CMBL: variants seen among roughly 807,000 people sequenced by gnomAD.
CMBL encodes carboxymethylenebutenolidase homolog (Pseudomonas).
In CMBL, 17 loss-of-function variants were observed where a neutral mutation model predicts 28.7. The observed-to-expected ratio is 0.59, with a 90% CI of 0.41 to 0.89. The LOEUF (loss-of-function observed/expected upper bound fraction) is 0.89, where lower values mean the gene tolerates loss of function less well. Among genes scored for constraint, CMBL ranks in the 40% least tolerant of loss-of-function variants. CMBL has a pLI of 0.00. For synonymous variants in CMBL, 106 were observed against 101.6 expected, an observed-to-expected ratio of 1.04 and a Z score of -0.26; for missense variants, 310 against 298.5, an observed-to-expected ratio of 1.04 and a Z score of -0.28.
intron 5 of CMBL, among the ~76,000 whole-genome samples, chr5:10,281,790 G>T (rs1265959360): frequency 6.6e-6 from 1 of 152,166 alleles, no homozygotes; most frequent in Non-Finnish European, 1.5e-5. Flanking sequence ...AAATGTTAAT[G>T]TTGGAAATAT....
intron 1 of CMBL, among the ~76,000 whole-genome samples, chr5:10,298,440 T>C (rs181308550): frequency 6.6e-6 from 1 of 152,126 alleles, no homozygotes; most frequent in East Asian, 1.9e-4. Context: ...GAATACTAAG[T>C]GGATATTTGA....
intron 1 of CMBL, among the ~76,000 whole-genome samples, chr5:10,292,627 A>G (rs1015548584): frequency 2.6e-5 from 4 of 152,136 alleles, no homozygotes; most frequent in South Asian, 2.1e-4. Context: ...GCTCAAGACC[A>G]GCCTGGCCAA....
chr5:10,305,949 C>T (rs1374277612), intron 1 of CMBL, among the ~76,000 whole-genome samples: 3 of 152,154 alleles, frequency 2.0e-5, no homozygotes, highest in East Asian at 1.9e-4. Context: ...TCCTTTACTC[C>T]GTATACATTT....
chr5:10,297,324 C>T (rs1036990691), intron 1 of CMBL, among the ~76,000 whole-genome samples: 3 of 152,078 alleles, frequency 2.0e-5, no homozygotes, highest in African/African-American at 7.2e-5. Context: ...AATCCCAGCA[C>T]TTTGGGAGAC....
intron 5 of CMBL, among the ~76,000 whole-genome samples, chr5:10,281,500 G>A (rs561454271): frequency 6.6e-6 from 1 of 152,030 alleles, no homozygotes; most frequent in Non-Finnish European, 1.5e-5. Context: ...TTACAGGCAT[G>A]AGCCACCACG....
intron 3 of CMBL, among the ~76,000 whole-genome samples, chr5:10,287,644 G>A (rs1033533311): frequency 1.5e-4 from 23 of 152,170 alleles, no homozygotes; most frequent in Admixed American, 8.5e-4. Context: ...TGCTATCCCC[G>A]CTGGGTGCAG....
Position 10,290,704 on chromosome 5 carries a change from C to G in CMBL, c.59G>C (p.Gly20Ala). ...CTCGACTTGAACTTCACGGCCTAGCCCTCCATACTCAAGTCTGTGGCCAAT... is the reference window on the plus strand; with the variant it reads ...CTCGACTTGAACTTCACGGCCTAGCGCTCCATACTCAAGTCTGTGGCCAAT... ...CDIGHRLEYG[G>A]LGREVQVEHI... is the part of the protein sequence containing the mutation. The change falls in exon 2 of 6, where the codon GGG becomes GCG. Residue 20 changes from glycine (G) to alanine (A), a missense_variant. Physicochemically the swap from Gly to Ala is moderately conservative, Grantham distance 60. Coordinates refer to ENST00000296658, the MANE Select transcript of CMBL (RefSeq NM_138809.4). The G allele has an allele frequency of 6.2e-7, 1 of 1,614,140 alleles. No homozygotes were observed. Among genetic ancestry groups the G allele is most frequent in the Non-Finnish European group, 8.5e-7 (1 of 1,180,036 alleles).
rs1405247774 is a variant in CMBL, at chr5:10,290,647, A to G, written c.116T>C (p.Val39Ala). 7 of 1,614,110 alleles carry G rather than the reference A, an allele frequency of 4.3e-6. No homozygotes were observed. Among genetic ancestry groups the G allele is most frequent in the East Asian group, 2.2e-5 (1 of 44,898 alleles). The change falls in exon 2 of 6, where the codon GTT becomes GCT. Residue 39 changes from valine to alanine, a missense_variant. By Grantham distance (64) the Val-to-Ala change is moderately conservative (BLOSUM62 0). Coordinates refer to ENST00000296658, the MANE Select transcript of CMBL (RefSeq NM_138809.4). ...HIKAYVTKSP[V>A]DAGKAVIVIQ... is the part of the protein sequence containing the mutation. ...GACAATCACAGCTTTGCCTGCATCAACGGGGGATTTGGTGACATAAGCCTT... is the reference window on the plus strand; with the variant it reads ...GACAATCACAGCTTTGCCTGCATCAGCGGGGGATTTGGTGACATAAGCCTT...
At chr5:10,288,726 C>T (rs548697918) in intron 2 of CMBL, among the ~76,000 whole-genome samples, 197 bp from the exon 3 acceptor site, 16 of 152,372 alleles carry the variant, frequency 1.1e-4, no homozygotes, top group Non-Finnish European at 2.2e-4. Flanking sequence ...TTCACAACCG[C>T]AGGTGCACAG....
In CMBL at chr5:10,277,669, T is replaced by A. The variant is rs1314619322; in HGVS notation, c.*2784A>T. Among the ~76,000 whole-genome samples the A allele has an allele frequency of 6.6e-6, 1 of 152,144 alleles. No homozygotes were observed. Among genetic ancestry groups the A allele is most frequent in the Non-Finnish European group, 1.5e-5 (1 of 68,034 alleles). ...ATGGGGAAAAAAGCTAAAGTTGCCA[T>A]TTTTTCCCTTTACCTTCATTTATCT... is the stretch of plus-strand genomic sequence containing the variant. On this transcript the variant is annotated 3_prime_UTR_variant, in exon 6 of 6. Coordinates refer to ENST00000296658, the MANE Select transcript of CMBL (RefSeq NM_138809.4).
chr5:10,302,206 T>G (rs1486338723), intron 1 of CMBL, among the ~76,000 whole-genome samples: 1 of 152,228 alleles, frequency 6.6e-6, no homozygotes, highest in African/African-American at 2.4e-5. Context: ...CTATATTTTC[T>G]GTATATACCT....
chr5:10,289,506 C>T lies in CMBL; in HGVS notation c.216-977G>A, dbSNP rs1243452619. Among the ~76,000 whole-genome samples the T allele has an allele frequency of 2.0e-5, 3 of 152,202 alleles. No homozygotes were observed. Among genetic ancestry groups the T allele is most frequent in the African/African-American group, 7.2e-5 (3 of 41,456 alleles). ...TTGGGCCAGTGATCTGGGGCAGCCG[C>T]AAAGCGCTCTCTTTATGGCCTGGTT... On this transcript the variant is annotated intron_variant, in intron 2 of 5. Transcript: ENST00000296658. The surrounding 1 kb of genome is among the most constrained non-coding windows in gnomAD (Gnocchi z 4.3).
At chr5:10,291,505 C>CA (rs1348436927) in intron 1 of CMBL, among the ~76,000 whole-genome samples, 1 of 151,714 alleles carries the variant, frequency 6.6e-6, no homozygotes, top group African/African-American at 2.4e-5. Context: ...TACTAAAAAA[C>CA]AAAAAATTAG....
chr5:10,299,804 C>T (rs1199682953), intron 1 of CMBL, among the ~76,000 whole-genome samples: 1 of 151,852 alleles, frequency 6.6e-6, no homozygotes, highest in Non-Finnish European at 1.5e-5. Flanking sequence ...CACTGCACTC[C>T]AGGCTTGGTG....
At chr5:10,294,695 C>T (rs1041202488) in intron 1 of CMBL, among the ~76,000 whole-genome samples, 9 of 152,174 alleles carry the variant, frequency 5.9e-5, no homozygotes, top group East Asian at 1.9e-4. Flanking sequence ...CACACCAGGA[C>T]GGTGATGGTG....
rs567735151 is a variant in CMBL at position 10,280,233 on chromosome 5, C to T, written c.*220G>A. 2.4e-6 allele frequency: 1 copy of T among 414,000 alleles called. No homozygotes were observed. The highest frequency in any genetic ancestry group is 4.3e-6 in the Non-Finnish European group (1 of 231,800). 25.6% of individuals were successfully genotyped at this position (414,000 alleles called of 1,614,324 possible). A position where few individuals can be genotyped will look rare whatever the true frequency, so the allele number is the denominator to read the frequency against. On this transcript the variant is annotated 3_prime_UTR_variant, in exon 6 of 6. Coordinates refer to ENST00000296658, the MANE Select transcript of CMBL (RefSeq NM_138809.4). ...GAATTACAGGCATGAGGCACTACACCTGGTCAGACCTTGTTTTTAAATTAT... is the reference window on the plus strand; with the variant it reads ...GAATTACAGGCATGAGGCACTACACTTGGTCAGACCTTGTTTTTAAATTAT...
chr5:10,294,371 G>A (rs1746774573), intron 1 of CMBL, among the ~76,000 whole-genome samples: 1 of 151,904 alleles, frequency 6.6e-6, no homozygotes, highest in South Asian at 2.1e-4. Context: ...GACCAGCCTG[G>A]ACAACACAGC....
intron 1 of CMBL, among the ~76,000 whole-genome samples, chr5:10,300,663 A>G (rs914981973): frequency 6.6e-6 from 1 of 151,898 alleles, no homozygotes; most frequent in South Asian, 2.1e-4. Flanking sequence ...TTAGCCGGGC[A>G]TGGTGGCATG....
chr5:10,306,046 T>C (rs1221351073), intron 1 of CMBL, among the ~76,000 whole-genome samples: 3 of 152,260 alleles, frequency 2.0e-5, no homozygotes, highest in South Asian at 4.1e-4. Flanking sequence ...ATCACTTTTA[T>C]ATCTGTATAA....
Sources: allele counts gnomAD v4.1 joint callset (sites outside exome capture counted in the v4.1 genomes callset), GRCh38; gene constraint gnomAD v4.1.1; non-coding constraint Gnocchi (gnomAD v3.1); transcripts MANE v1.5; gene names NCBI Gene and HGNC (gene_info 2026-07-23, HGNC 2026-07-21).